ZNF860: variants seen among roughly 807,000 people sequenced by gnomAD.
The protein encoded by ZNF860 is zinc finger protein 860.
For missense variants in ZNF860, 641 were observed against 759.2 expected (o/e 0.84, Z 1.83); for synonymous variants, 206 against 248.9 (o/e 0.83, Z 1.62).
the ZNF860 span, among the ~76,000 whole-genome samples, chr3:31,998,677 A>G: frequency 1.3e-5 from 2 of 152,164 alleles, no homozygotes; most frequent in Non-Finnish European, 2.9e-5. Context: ...GTTCTTGCCA[A>G]TTGGCTATCC....
At chr3:31,983,743 T>G (rs183032166) in intron 1 of ZNF860, among the ~76,000 whole-genome samples, 1 of 152,300 alleles carries the variant, frequency 6.6e-6, no homozygotes, top group Non-Finnish European at 1.5e-5. Flanking sequence ...TGACCTACCG[T>G]AGTATAGCAA....
Position 31,990,219 on chromosome 3 carries a change from T to C in ZNF860, c.1140T>C (p.Ser380=). 1 of 1,614,052 alleles carries C rather than the reference T, an allele frequency of 6.2e-7. No homozygotes were observed. Among genetic ancestry groups the C allele is most frequent in the East Asian group, 2.2e-5 (1 of 44,882 alleles). The part of the protein sequence containing the change: ...YKCNECGKAF[S]GQSTLIHHQA... ...GTAATGAGTGTGGCAAAGCCTTTAGTGGGCAGTCAACACTTATTCACCATC... is the reference window on the plus strand; with the variant it reads ...GTAATGAGTGTGGCAAAGCCTTTAGCGGGCAGTCAACACTTATTCACCATC... The change falls in exon 2 of 2, where the codon AGT becomes AGC. Residue 380 remains serine (S), a synonymous_variant. Coordinates refer to ENST00000360311, the MANE Select transcript of ZNF860 (RefSeq NM_001137674.3).
In ZNF860 at chr3:31,988,862, C is replaced by CA. The variant is rs757826616; in HGVS notation, c.-217dup. On this transcript the variant is annotated 5_prime_UTR_variant, in exon 2 of 2. The change creates a premature stop within an existing upstream ORF in the 5' untranslated region. Coordinates refer to ENST00000360311, the MANE Select transcript of ZNF860 (RefSeq NM_001137674.3). ...TTGAGATGACTGCAGCCATGACCCA[C>CA]AGCTTGACTACAACCCAGAGAGACA... 4.1e-5 allele frequency: 25 copies of CA among 611,700 alleles called. No individual in the cohort carries two copies. In the South Asian group the frequency reaches 4.2e-4, roughly 10 times the overall value. The allele number at this position is 611,700 out of a possible 1,614,324, so 37.9% of individuals were successfully genotyped here.
chr3:32,000,619 G>T, the ZNF860 span, among the ~76,000 whole-genome samples: 2 of 152,212 alleles, frequency 1.3e-5, no homozygotes, highest in African/African-American at 4.8e-5. Context: ...TTCTCAGCAC[G>T]GTTTGTCAGC....
rs1447103128 is a variant in ZNF860, at chr3:31,991,140, A to G, written c.*162A>G. 39 of 769,164 alleles carry G rather than the reference A, an allele frequency of 5.1e-5. No individual in the cohort carries two copies. Among genetic ancestry groups the G allele is most frequent in the Non-Finnish European group, 8.0e-5 (38 of 476,880 alleles). The allele number at this position is 769,164 out of a possible 1,614,324, so 47.6% of individuals were successfully genotyped here. ...TTGAGTTCAAGCATTAATTGACATTAAAGTGTTTACGTTAAGAGGATTGGG... is the reference window on the plus strand; with the variant it reads ...TTGAGTTCAAGCATTAATTGACATTGAAGTGTTTACGTTAAGAGGATTGGG... On this transcript the variant is annotated 3_prime_UTR_variant, in exon 2 of 2. Coordinates refer to ENST00000360311, the MANE Select transcript of ZNF860 (RefSeq NM_001137674.3).
rs1300472977 is a variant in ZNF860 at position 31,990,902 on chromosome 3, A to G, written c.1823A>G (p.His608Arg). 2 of 1,575,372 alleles carry G rather than the reference A, an allele frequency of 1.3e-6. No individual in the cohort carries two copies. The highest frequency in any genetic ancestry group is 1.7e-6 in the Non-Finnish European group (2 of 1,159,104). ...GGCAAAGCCTTTACTTCACATTCACATCGCATTAGACATCAGAGAATCCAT... is the reference window on the plus strand; with the variant it reads ...GGCAAAGCCTTTACTTCACATTCACGTCGCATTAGACATCAGAGAATCCAT... ...DCGKAFTSHSHRIRHQRIHTG... is the reference protein window; with the variant it reads ...DCGKAFTSHSRRIRHQRIHTG... Residue 608 changes from histidine (H) to arginine (R), a missense_variant, in exon 2 of 2, where the codon CAT becomes CGT. His to Arg is a conservative substitution (Grantham distance 29). Transcript: ENST00000360311.
chr3:31,985,749 G>A (rs141474390), intron 1 of ZNF860, among the ~76,000 whole-genome samples: 1 of 152,346 alleles, frequency 6.6e-6, no homozygotes, highest in South Asian at 2.1e-4. Context: ...GTGGTCTGAT[G>A]TGTTGTACGT....
At chr3:31,997,739 G>A in the ZNF860 span, among the ~76,000 whole-genome samples, 13 of 151,962 alleles carry the variant, frequency 8.6e-5, no homozygotes, top group Admixed American at 7.9e-4. Context: ...CCTCTTCCTT[G>A]TCATGGAGCA....
chr3:31,993,211 T>TATTTC, downstream of ZNF860, among the ~76,000 whole-genome samples: 1 of 151,112 alleles, frequency 6.6e-6, no homozygotes, highest in Admixed American at 6.6e-5. Flanking sequence ...TATTTTATTT[T>TATTTC]ATTTTATTTT....
chr3:31,994,861 A>C (rs1208310026), downstream of ZNF860, among the ~76,000 whole-genome samples: 1 of 152,254 alleles, frequency 6.6e-6, no homozygotes, highest in East Asian at 1.9e-4. Flanking sequence ...ATTTTCCCTA[A>C]GTGTCGGCTG....
intron 1 of ZNF860, among the ~76,000 whole-genome samples, chr3:31,988,059 C>T (rs940097046): frequency 4.6e-5 from 7 of 152,196 alleles, no homozygotes; most frequent in Admixed American, 1.3e-4. Flanking sequence ...GACCTAATCA[C>T]GGAAATTGCA....
chr3:31,984,840 C>T (rs983600747), intron 1 of ZNF860, among the ~76,000 whole-genome samples: 1 of 152,136 alleles, frequency 6.6e-6, no homozygotes, highest in Admixed American at 6.5e-5. Context: ...GGCCTGTGCC[C>T]GGGAATGAAC....
rs1559544738 is a variant in ZNF860 at position 31,990,759 on chromosome 3, T to C, written c.1680T>C (p.His560=). The C allele has an allele frequency of 1.2e-6, 2 of 1,613,768 alleles. No homozygotes were observed. The highest frequency in any genetic ancestry group is 3.3e-5 in the Admixed American group (2 of 59,970). Reference sequence around the variant, plus strand: ...ACCATGAAACACATAAGAGAATTCATACTGGAGAGAAACCTTACAAATGTG... The same window carrying C: ...ACCATGAAACACATAAGAGAATTCACACTGGAGAGAAACCTTACAAATGTG... ...KSHHETHKRI[H]TGEKPYKCDD... Residue 560 remains histidine, a synonymous_variant, in exon 2 of 2, where the codon CAT becomes CAC. Transcript: ENST00000360311.
the ZNF860 span, among the ~76,000 whole-genome samples, chr3:32,003,103 G>A: frequency 1.3e-5 from 2 of 152,240 alleles, no homozygotes; most frequent in Admixed American, 1.3e-4. Flanking sequence ...AGAGGCACCA[G>A]AGTGGGGCAG....
rs986052526 is a variant in ZNF860, at chr3:31,982,635, G to A, written c.-421+733G>A. On this transcript the variant is annotated intron_variant, in intron 1 of 1. Coordinates refer to ENST00000360311, the MANE Select transcript of ZNF860 (RefSeq NM_001137674.3). ...GCCCCTGAGTAAATTACAATTCCAG[G>A]TGCCTACATAGTGTTAAAAAAAAAA... is the stretch of plus-strand genomic sequence containing the variant. Among the ~76,000 whole-genome samples, 4 of 147,590 alleles carry A rather than the reference G, an allele frequency of 2.7e-5. No homozygotes were observed. The East Asian group carries it at 8.8e-4, about 33-fold the overall frequency.
chr3:31,990,152 C>A lies in ZNF860; in HGVS notation c.1073C>A (p.Thr358Lys). Residue 358 changes from threonine to lysine, a missense_variant, in exon 2 of 2, where the codon ACA (threonine) becomes AAA (lysine). Coordinates refer to ENST00000360311, the MANE Select transcript of ZNF860 (RefSeq NM_001137674.3). ...GCTTTCAGGCGTGATTCACACCTCACACAACACACTAGAATTCACACTGGA... is the reference window on the plus strand; with the variant it reads ...GCTTTCAGGCGTGATTCACACCTCAAACAACACACTAGAATTCACACTGGA... ...EKAFRRDSHL[T>K]QHTRIHTGEK... 6.2e-7 allele frequency: 1 copy of A among 1,611,724 alleles called. No individual in the cohort carries two copies. Among genetic ancestry groups the A allele is most frequent in the Admixed American group, 1.7e-5 (1 of 59,900 alleles).
the ZNF860 span, among the ~76,000 whole-genome samples, chr3:32,003,195 C>T: frequency 1.3e-5 from 2 of 152,244 alleles, no homozygotes; most frequent in Non-Finnish European, 2.9e-5. Flanking sequence ...GACTGCGTAA[C>T]ACTTACATCA....
chr3:32,000,566 T>C, the ZNF860 span, among the ~76,000 whole-genome samples: 2 of 152,158 alleles, frequency 1.3e-5, no homozygotes, highest in Non-Finnish European at 2.9e-5. Flanking sequence ...TCTAACACAC[T>C]CTAAAAGCAT....
chr3:32,000,292 G>C, the ZNF860 span, among the ~76,000 whole-genome samples: 2 of 152,150 alleles, frequency 1.3e-5, 1 homozygote. Context: ...GAAAAACTAA[G>C]ATCAGAGTTA....
Sources: gnomAD v4.1 joint callset for allele counts (sites outside exome capture counted in the v4.1 genomes callset) on GRCh38, gnomAD v4.1.1 for gene constraint, MANE v1.5 for transcripts, NCBI Gene and HGNC (gene_info 2026-07-23, HGNC 2026-07-21) for gene names.